Variants in GSTA4 observed in about 807,000 individuals in gnomAD.
GSTA4 encodes glutathione S-transferase alpha 4.
GSTA4 carries 15 observed loss-of-function variants against 24.4 expected under a neutral mutation model. The observed-to-expected ratio is 0.61, with a 90% CI of 0.41 to 0.95. The LOEUF (loss-of-function observed/expected upper bound fraction) is 0.95. Ranked by LOEUF, GSTA4 falls within the 40% of genes least tolerant of loss-of-function variation. The pLI, the probability that GSTA4 is intolerant of heterozygous loss-of-function variation, is 0.00. For missense variants in GSTA4, 244 were observed against 262.1 expected (o/e 0.93, Z 0.48); for synonymous variants, 92 against 94.2 (o/e 0.98, Z 0.13).
chr6:52,987,105 G>C (rs374970520), intron 3 of GSTA4, among the ~76,000 whole-genome samples: 22 of 152,146 alleles, frequency 1.4e-4, no homozygotes, highest in African/African-American at 5.3e-4. Flanking sequence ...GAGGGGAGAA[G>C]AAAGGGATGG....
intron 5 of GSTA4, among the ~76,000 whole-genome samples, 158 bp from the exon 6 acceptor site, chr6:52,982,863 C>T (rs950781795): frequency 5.5e-5 from 8 of 144,906 alleles, no homozygotes; most frequent in Non-Finnish European, 1.1e-4. Context: ...CTATATCTGA[C>T]AGAGAGAGTG....
chr6:52,987,286 C>T, intron 3 of GSTA4, 71 bp downstream of exon 3: 1 of 917,546 alleles, frequency 1.1e-6, no homozygotes, highest in South Asian at 1.4e-5. Context: ...AATACTTTTG[C>T]CCTTCCACAT....
intron 5 of GSTA4, 47 bp downstream of exon 5, chr6:52,984,410 CTTTGTGG>C: frequency 6.5e-7 from 1 of 1,541,302 alleles, no homozygotes; most frequent in Non-Finnish European, 8.8e-7. Context: ...GTGGCAGCTT[CTTTGTGG>C]TTTGTGGTTT....
chr6:52,984,310 G>C (rs1183810587), intron 5 of GSTA4, among the ~76,000 whole-genome samples, 154 bp downstream of exon 5: 1 of 152,230 alleles, frequency 6.6e-6, no homozygotes, highest in Non-Finnish European at 1.5e-5. Flanking sequence ...GCTTTGTGCT[G>C]TGGCTACTAT....
intron 5 of GSTA4, among the ~76,000 whole-genome samples, chr6:52,983,552 AT>A (rs1468799043): frequency 6.6e-6 from 1 of 152,228 alleles, no homozygotes; most frequent in Non-Finnish European, 1.5e-5. Flanking sequence ...TTTTCTGGCC[AT>A]GTTACCTTGG....
At chr6:52,994,407 G>GA (rs112533503) in intron 1 of GSTA4, 146 bp from the exon 2 acceptor site, 15,845 of 477,582 alleles carry the variant, frequency 0.033, 119 homozygotes, top group East Asian at 0.069. Flanking sequence ...CCTCACTCAA[G>GA]AAAAAAAAAC....
At chr6:52,992,539 T>C (rs568023977) in intron 2 of GSTA4, among the ~76,000 whole-genome samples, 45 of 152,308 alleles carry the variant, frequency 3.0e-4, no homozygotes, top group African/African-American at 9.4e-4. Context: ...CAGTGACAAC[T>C]CATGTTGATA....
chr6:52,991,257 G>T (rs984862910), intron 2 of GSTA4, among the ~76,000 whole-genome samples: 3 of 152,216 alleles, frequency 2.0e-5, no homozygotes, highest in African/African-American at 7.2e-5. Flanking sequence ...AAACATAGGT[G>T]AAATGATGGA....
Position 52,984,491 on chromosome 6 carries a change from T to C in GSTA4, c.387A>G (p.Ile129Met), listed in dbSNP as rs974974308. Reference sequence around the variant, plus strand: ...TTTCAAACACAGGAAAGTATCTAATTATAGCCTTCTGGGCCATGTTAACCA... The same window carrying C: ...TTTCAAACACAGGAAAGTATCTAATCATAGCCTTCTGGGCCATGTTAACCA... ...KEVVNMAQKA[I>M]IRYFPVFEKI... Residue 129 changes from isoleucine to methionine, a missense_variant, in exon 5 of 7, where the codon ATA (isoleucine) becomes ATG (methionine). Physicochemically the swap from Ile to Met is conservative, Grantham distance 10. Coordinates refer to ENST00000370963, the MANE Select transcript of GSTA4 (RefSeq NM_001512.4). 2.5e-6 allele frequency: 4 copies of C among 1,613,586 alleles called. No homozygotes were observed. The highest frequency in any genetic ancestry group is 2.5e-6 in the Non-Finnish European group (3 of 1,179,868).
At chr6:52,982,904 C>A (rs113296525) in intron 5 of GSTA4, among the ~76,000 whole-genome samples, 199 bp from the exon 6 acceptor site, 240 of 107,852 alleles carry the variant, frequency 2.2e-3, no homozygotes, top group African/African-American at 6.6e-3. Flanking sequence ...AGAGAGAGAG[C>A]GAGAGAGAGA....
At chr6:52,986,182 G>C (rs1763552955) in intron 3 of GSTA4, among the ~76,000 whole-genome samples, 1 of 152,168 alleles carries the variant, frequency 6.6e-6, no homozygotes, top group African/African-American at 2.4e-5. Context: ...TGCTACACTG[G>C]CCAATACAGC....
At chr6:52,991,536 G>A (rs1409555139) in intron 2 of GSTA4, among the ~76,000 whole-genome samples, 1 of 152,162 alleles carries the variant, frequency 6.6e-6, no homozygotes, top group Admixed American at 6.5e-5. Flanking sequence ...AAGTGATCAT[G>A]CCTCTGGGTC....
At chr6:52,989,947 G>C (rs77022534) in intron 2 of GSTA4, among the ~76,000 whole-genome samples, 1 of 152,088 alleles carries the variant, frequency 6.6e-6, no homozygotes, top group Non-Finnish European at 1.5e-5. Flanking sequence ...GGGCTCAAGG[G>C]ATCCTGCCAC....
chr6:52,980,250 G>A (rs1307676575), intron 6 of GSTA4, among the ~76,000 whole-genome samples: 1 of 151,626 alleles, frequency 6.6e-6, no homozygotes, highest in Non-Finnish European at 1.5e-5. Flanking sequence ...CTGCCTGTGA[G>A]GTGTGTGTCT....
In GSTA4 at chr6:52,985,445, CA is replaced by C; in HGVS notation, c.272+5del. On this transcript the variant is annotated splice_donor_5th_base_variant and intron_variant, in intron 4 of 6. Coordinates refer to ENST00000370963, the MANE Select transcript of GSTA4 (RefSeq NM_001512.4). Reference sequence around the variant, plus strand: ...AAGTGACAACACTCGAGAGGGGCCACAGTACAGGGTTCTCTCCTTGAGGTTC... The same window carrying C: ...AAGTGACAACACTCGAGAGGGGCCACGTACAGGGTTCTCTCCTTGAGGTTC... The C allele has an allele frequency of 1.9e-6, 3 of 1,611,738 alleles. No homozygotes were observed. Among genetic ancestry groups the C allele is most frequent in the Non-Finnish European group, 2.5e-6 (3 of 1,179,046 alleles).
In GSTA4 at chr6:52,987,399, C is replaced by G; in HGVS notation, c.97G>C (p.Glu33Gln). The G allele has an allele frequency of 6.4e-7, 1 of 1,564,982 alleles. No individual in the cohort carries two copies. The highest frequency in any genetic ancestry group is 8.8e-7 in the Non-Finnish European group (1 of 1,137,970). ...LAAAGVEFDEEFLETKEQLYK... is the reference protein window; with the variant it reads ...LAAAGVEFDEQFLETKEQLYK... Reference sequence around the variant, plus strand: ...AACTGTTCTTTTGTTTCCAGAAATTCTTCATCAAACTAAATTTTTAAAAAA... The same window carrying G: ...AACTGTTCTTTTGTTTCCAGAAATTGTTCATCAAACTAAATTTTTAAAAAA... The change falls in exon 3 of 7, where the codon GAA becomes CAA. Residue 33 changes from glutamate (E) to glutamine (Q), a missense_variant. Transcript: ENST00000370963.
intron 5 of GSTA4, among the ~76,000 whole-genome samples, chr6:52,983,158 C>T (rs1187552666): frequency 1.3e-5 from 2 of 152,114 alleles, no homozygotes; most frequent in African/African-American, 4.8e-5. Flanking sequence ...ACTCTTATTT[C>T]CCAGTTCTGC....
intron 3 of GSTA4, among the ~76,000 whole-genome samples, chr6:52,986,519 T>TA (rs1256348312): frequency 1.3e-5 from 2 of 152,196 alleles, no homozygotes; most frequent in Non-Finnish European, 2.9e-5. Flanking sequence ...TGTCACTAGT[T>TA]AAAAAAACAA....
intron 2 of GSTA4, among the ~76,000 whole-genome samples, chr6:52,988,480 AAAGTGAG>A (rs1272894479): frequency 6.6e-6 from 1 of 152,208 alleles, no homozygotes; most frequent in Non-Finnish European, 1.5e-5. Flanking sequence ...TGTTGTTAAC[AAAGTGAG>A]AAGGGCACAG....
Sources: gnomAD v4.1 joint callset for allele counts (sites outside exome capture counted in the v4.1 genomes callset) on GRCh38, gnomAD v4.1.1 for gene constraint, MANE v1.5 for transcripts, NCBI Gene and HGNC (gene_info 2026-07-23, HGNC 2026-07-21) for gene names.